AGBL1: variants seen among roughly 807,000 people sequenced by gnomAD.
AGBL1 encodes the protein cytosolic carboxypeptidase 4.
Under a neutral mutation model 118.9 loss-of-function variants are expected in AGBL1, and 130 were observed. That is an observed-to-expected ratio of 1.09 (90% CI 0.95 to 1.26). The LOEUF (loss-of-function observed/expected upper bound fraction) is 1.26. Ranked by LOEUF, AGBL1 falls within the 50% of genes most tolerant of loss-of-function variation. The pLI, the probability that AGBL1 is intolerant of heterozygous loss-of-function variation, is 0.00. For synonymous variants in AGBL1, 555 were observed against 478.9 expected (o/e 1.16, Z -2.08); for missense variants, 1,584 against 1,298.1 (o/e 1.22, Z -3.38).
At chr15:86,476,982 C>G (rs1313110419) in intron 18 of AGBL1, among the ~76,000 whole-genome samples, 1 of 152,188 alleles carries the variant, frequency 6.6e-6, no homozygotes. Flanking sequence ...TGAATGACTA[C>G]TGGTTACATA....
At chr15:86,833,912 C>T (rs564806280) in intron 22 of AGBL1, among the ~76,000 whole-genome samples, 2 of 152,272 alleles carry the variant, frequency 1.3e-5, no homozygotes, top group East Asian at 1.9e-4. Flanking sequence ...AACTCAGCCT[C>T]TTCCTAATTA....
intron 21 of AGBL1, among the ~76,000 whole-genome samples, chr15:86,627,584 A>G (rs1052933625): frequency 1.3e-5 from 2 of 152,216 alleles, no homozygotes; most frequent in African/African-American, 4.8e-5. Context: ...TATCATAATG[A>G]GTGGCAAATT....
intron 18 of AGBL1, among the ~76,000 whole-genome samples, chr15:86,474,969 G>A (rs1413436962): frequency 6.6e-6 from 1 of 152,224 alleles, no homozygotes; most frequent in Non-Finnish European, 1.5e-5. Context: ...AAAAGGGTCT[G>A]GAGTGGACCT....
chr15:86,557,216 A>G (rs1022460695), intron 21 of AGBL1, among the ~76,000 whole-genome samples: 27 of 152,190 alleles, frequency 1.8e-4, no homozygotes, highest in African/African-American at 6.3e-4. Flanking sequence ...GCCCAAAGCT[A>G]TTGAGGCTGT....
Position 86,264,718 on chromosome 15 carries a change from C to T in AGBL1, c.1547C>T (p.Ala516Val). Residue 516 changes from alanine to valine, a missense_variant, in exon 11 of 23, where the codon GCC (alanine) becomes GTC (valine). Coordinates refer to ENST00000614907, the MANE Select transcript of AGBL1 (RefSeq NM_001386094.1). ...TTCCACGATCCCTATCTTTATATGGCCAAAGCCAGAAGAACCAGCTCTGTG... is the reference window on the plus strand; with the variant it reads ...TTCCACGATCCCTATCTTTATATGGTCAAAGCCAGAAGAACCAGCTCTGTG... Reference protein sequence around the residue: ...VPFHDPYLYMAKARRTSSVVD... With the variant: ...VPFHDPYLYMVKARRTSSVVD... 3 of 1,613,990 alleles carry T rather than the reference C, an allele frequency of 1.9e-6. No homozygotes were observed. The highest frequency in any genetic ancestry group is 1.3e-5 in the African/African-American group (1 of 75,052).
chr15:86,892,914 A>T (rs930428347), intron 22 of AGBL1, among the ~76,000 whole-genome samples: 1 of 152,174 alleles, frequency 6.6e-6, no homozygotes, highest in Non-Finnish European at 1.5e-5. Flanking sequence ...GAGCATACTC[A>T]GTGTGTCTGT....
At chr15:86,218,550 T>C (rs1263965346) in intron 5 of AGBL1, among the ~76,000 whole-genome samples, 1 of 152,170 alleles carries the variant, frequency 6.6e-6, no homozygotes, top group African/African-American at 2.4e-5. Context: ...CCACAGAATA[T>C]GGCAAGGTAA....
chr15:86,470,742 T>A (rs984178821), intron 18 of AGBL1, among the ~76,000 whole-genome samples: 1 of 152,150 alleles, frequency 6.6e-6, no homozygotes, highest in Non-Finnish European at 1.5e-5. Context: ...AGTGTACACA[T>A]CTTTCAGCTC....
At chr15:86,667,254 GTATCTATC>G (rs59244912) in intron 21 of AGBL1, among the ~76,000 whole-genome samples, 3 of 139,476 alleles carry the variant, frequency 2.2e-5, no homozygotes, top group Admixed American at 1.4e-4. Context: ...ATGTATGTAT[GTATCTATC>G]TATCTATCTG....
chr15:86,323,305 G>T (rs971786782), intron 17 of AGBL1, among the ~76,000 whole-genome samples: 4 of 151,752 alleles, frequency 2.6e-5, no homozygotes. Flanking sequence ...TGGCTGTGGG[G>T]ATCAGGAAAA....
intron 1 of AGBL1, among the ~76,000 whole-genome samples, chr15:86,101,099 C>T (rs543073256): frequency 3.3e-5 from 5 of 152,026 alleles, no homozygotes; most frequent in South Asian, 2.1e-4. Flanking sequence ...TTTTTTATTT[C>T]CTCCTTAATT....
chr15:86,287,853 A>G (rs990190461), intron 16 of AGBL1, among the ~76,000 whole-genome samples: 1 of 152,210 alleles, frequency 6.6e-6, no homozygotes, highest in Non-Finnish European at 1.5e-5. Context: ...TTAGAGAAGA[A>G]AAGTTTAATG....
chr15:86,998,601 A>G (rs976947006), intron 24 of AGBL1, among the ~76,000 whole-genome samples: 3 of 152,174 alleles, frequency 2.0e-5, no homozygotes, highest in African/African-American at 7.2e-5. Flanking sequence ...ATTTTCTCCA[A>G]TAAGTTTGTT....
chr15:86,766,163 A>C (rs2078094360), intron 22 of AGBL1, among the ~76,000 whole-genome samples: 1 of 151,846 alleles, frequency 6.6e-6, no homozygotes, highest in Non-Finnish European at 1.5e-5. Context: ...AGGTTTAGTA[A>C]TTTGTCCAGG....
At chr15:86,439,177 C>T (rs918937644) in intron 18 of AGBL1, among the ~76,000 whole-genome samples, 48 of 152,038 alleles carry the variant, frequency 3.2e-4, no homozygotes, top group Admixed American at 3.1e-3. Flanking sequence ...GAATGTAAAA[C>T]TTGTGTTGCT....
intron 21 of AGBL1, among the ~76,000 whole-genome samples, chr15:86,588,717 C>G (rs1161245104): frequency 6.6e-6 from 1 of 152,250 alleles, no homozygotes; most frequent in East Asian, 1.9e-4. Flanking sequence ...CATGACTAAG[C>G]TTTGTTTTTA....
At chr15:86,872,828 T>C (rs1450313089) in intron 22 of AGBL1, among the ~76,000 whole-genome samples, 1 of 152,206 alleles carries the variant, frequency 6.6e-6, no homozygotes, top group Non-Finnish European at 1.5e-5. Flanking sequence ...AGCAATCCTG[T>C]TTTTTATTTA....
intron 17 of AGBL1, among the ~76,000 whole-genome samples, chr15:86,302,660 T>C (rs989111138): frequency 2.0e-5 from 3 of 151,390 alleles, no homozygotes; most frequent in Non-Finnish European, 2.9e-5. Flanking sequence ...GCACCTGTAC[T>C]CCCAGCTACT....
At chr15:86,492,166 A>T (rs756289986) in intron 18 of AGBL1, among the ~76,000 whole-genome samples, 6 of 152,128 alleles carry the variant, frequency 3.9e-5, no homozygotes, top group African/African-American at 9.7e-5. Context: ...TGATGCAAGC[A>T]TATAGAAGAA....
Sources: gnomAD v4.1 joint callset for allele counts (sites outside exome capture counted in the v4.1 genomes callset) on GRCh38, gnomAD v4.1.1 for gene constraint, MANE v1.5 for transcripts, NCBI Gene and HGNC (gene_info 2026-07-23, HGNC 2026-07-21) for gene names.